The following RABGAP1L variants were observed in gnomAD, a reference collection of about 807,000 sequenced individuals.
RABGAP1L encodes rab GTPase-activating protein 1-like.
RABGAP1L carries 63 observed loss-of-function variants against 137.7 expected under a neutral mutation model. That is an observed-to-expected ratio of 0.46 (90% CI 0.37 to 0.56). The LOEUF is 0.56. Among genes scored for constraint, RABGAP1L ranks in the 20% least tolerant of loss-of-function variants. The probability of loss-of-function intolerance (pLI) is 0.00; values close to 1 mark genes in which losing one functional copy is unlikely to be tolerated. For synonymous variants in RABGAP1L, 431 were observed against 433.7 expected (o/e 0.99, Z 0.08); for missense variants, 1,095 against 1,244.0 (o/e 0.88, Z 1.80).
chr1:174,422,390 A>T (rs1019777518), intron 13 of RABGAP1L, among the ~76,000 whole-genome samples: 3 of 151,986 alleles, frequency 2.0e-5, no homozygotes, highest in Non-Finnish European at 4.4e-5. Context: ...TTTTTTAAAC[A>T]TTCGACCAAC....
chr1:174,441,342 A>G (rs1271368745), intron 13 of RABGAP1L, among the ~76,000 whole-genome samples: 2 of 152,168 alleles, frequency 1.3e-5, no homozygotes, highest in Non-Finnish European at 2.9e-5. Flanking sequence ...CTATGTAAAT[A>G]TATATTAGTA....
At chr1:174,550,923 TATATATATACAC>T (rs1666426179) in intron 13 of RABGAP1L, among the ~76,000 whole-genome samples, 1 of 53,262 alleles carries the variant, frequency 1.9e-5, no homozygotes, top group Non-Finnish European at 3.1e-5. Context: ...CACACACACA[TATATATATACAC>T]ATATATATAC....
At chr1:174,239,771 C>T (rs1315130764) in intron 4 of RABGAP1L, among the ~76,000 whole-genome samples, 1 of 152,074 alleles carries the variant, frequency 6.6e-6, no homozygotes, top group Admixed American at 6.6e-5. Flanking sequence ...ATAAGCAGAC[C>T]AGGTCAAGGA....
intron 18 of RABGAP1L, among the ~76,000 whole-genome samples, chr1:174,759,035 A>G (rs933723453): frequency 8.5e-5 from 13 of 152,114 alleles, no homozygotes; most frequent in African/African-American, 3.1e-4. Context: ...TAGGCCACCA[A>G]ATTTTCCAGG....
chr1:174,579,150 A>G (rs1359834263), intron 13 of RABGAP1L, among the ~76,000 whole-genome samples: 3 of 152,102 alleles, frequency 2.0e-5, no homozygotes, highest in Admixed American at 6.6e-5. Context: ...TGTTGAGTAC[A>G]ATGTTGTAAA....
At chr1:174,982,943 A>G (rs1671260159) in intron 24 of RABGAP1L, 38 bp downstream of exon 24, 1 of 1,543,144 alleles carries the variant, frequency 6.5e-7, no homozygotes, top group African/African-American at 1.4e-5. Context: ...AATTTATTTC[A>G]AAGTCACACA....
intron 13 of RABGAP1L, among the ~76,000 whole-genome samples, chr1:174,474,903 C>G (rs1287204155): frequency 1.3e-5 from 2 of 151,458 alleles, no homozygotes; most frequent in Non-Finnish European, 2.9e-5. Flanking sequence ...GCCTGGCCTT[C>G]TGATTCTTAT....
intron 21 of RABGAP1L, among the ~76,000 whole-genome samples, chr1:174,970,322 C>G (rs1417239297): frequency 6.6e-6 from 1 of 152,134 alleles, no homozygotes; most frequent in Non-Finnish European, 1.5e-5. Context: ...TAATGAAAGT[C>G]TTGGTTCTAT....
At chr1:174,723,779 T>C (rs1681771793) in intron 17 of RABGAP1L, among the ~76,000 whole-genome samples, 1 of 152,210 alleles carries the variant, frequency 6.6e-6, no homozygotes, top group Non-Finnish European at 1.5e-5. Context: ...ATATAGCATA[T>C]TTGCCTTGTT....
At chr1:174,787,360 A>C (rs1381170833) in intron 18 of RABGAP1L, among the ~76,000 whole-genome samples, 2 of 149,420 alleles carry the variant, frequency 1.3e-5, no homozygotes. Flanking sequence ...CTGACATTGC[A>C]CCATTGCACT....
chr1:174,267,688 A>G lies in RABGAP1L; in HGVS notation c.987-4726A>G, dbSNP rs770949165. Among the ~76,000 whole-genome samples the G allele has an allele frequency of 2.6e-5, 4 of 152,240 alleles. No individual in the cohort carries two copies. In the East Asian group the frequency reaches 5.8e-4, roughly 22 times the overall value. ...ATGAGAAGGCAGCAAGCACTGTTCA[A>G]TATATTCTTGATAAGTTTTTTTAAA... On this transcript the variant is annotated intron_variant, in intron 7 of 25. Coordinates refer to ENST00000681986, the MANE Select transcript of RABGAP1L (RefSeq NM_001366446.1).
chr1:174,433,900 T>C (rs1424064025), intron 13 of RABGAP1L, among the ~76,000 whole-genome samples: 4 of 152,208 alleles, frequency 2.6e-5, no homozygotes, highest in Non-Finnish European at 5.9e-5. Flanking sequence ...CTTGATTACA[T>C]GCAAATGCCA....
intron 11 of RABGAP1L, among the ~76,000 whole-genome samples, chr1:174,305,572 G>A (rs757474849): frequency 1.8e-4 from 28 of 151,864 alleles, no homozygotes; most frequent in Non-Finnish European, 4.0e-4. Context: ...TTTTAGTAGA[G>A]ATGGGGTTTC....
chr1:174,252,019 C>T (rs1294821323), intron 6 of RABGAP1L, among the ~76,000 whole-genome samples: 1 of 151,982 alleles, frequency 6.6e-6, no homozygotes, highest in Admixed American at 6.6e-5. Context: ...GCCTCAGCCT[C>T]CCCAGTAGCT....
intron 13 of RABGAP1L, among the ~76,000 whole-genome samples, chr1:174,612,711 T>C (rs1455697670): frequency 6.6e-6 from 1 of 152,244 alleles, no homozygotes; most frequent in African/African-American, 2.4e-5. Context: ...TGGTAAGCTA[T>C]TGATTATTGC....
At chr1:174,645,878 T>C (rs955469604) in intron 14 of RABGAP1L, among the ~76,000 whole-genome samples, 4 of 152,298 alleles carry the variant, frequency 2.6e-5, no homozygotes, top group African/African-American at 9.6e-5. Context: ...TGTTGTTTCC[T>C]GACTTTTTAA....
intron 15 of RABGAP1L, among the ~76,000 whole-genome samples, chr1:174,698,591 A>T (rs34952844): frequency 0.09 from 13,661 of 152,240 alleles, 824 homozygotes; most frequent in East Asian, 0.22. Flanking sequence ...TGATTAAAAA[A>T]TTAGGAACAT....
At chr1:174,878,932 T>TG (rs1653651801) in intron 19 of RABGAP1L, among the ~76,000 whole-genome samples, 2 of 111,162 alleles carry the variant, frequency 1.8e-5, no homozygotes, top group African/African-American at 3.0e-5. Flanking sequence ...ATTGTTTTTT[T>TG]TTTTTTTTTT....
At chr1:174,589,231 T>C (rs925576823) in intron 13 of RABGAP1L, among the ~76,000 whole-genome samples, 4 of 152,236 alleles carry the variant, frequency 2.6e-5, no homozygotes, top group African/African-American at 7.2e-5. Context: ...ATATACCTGT[T>C]TGATACTTGT....
Sources: allele counts gnomAD v4.1 joint callset (sites outside exome capture counted in the v4.1 genomes callset), GRCh38; gene constraint gnomAD v4.1.1; transcripts MANE v1.5; gene names NCBI Gene and HGNC (gene_info 2026-07-23, HGNC 2026-07-21).